The following TTLL12 variants were observed in gnomAD, a reference collection of about 807,000 sequenced individuals.
TTLL12 encodes tubulin tyrosine ligase like 12.
Under a neutral mutation model 79.6 loss-of-function variants are expected in TTLL12, and 77 were observed. The ratio of observed to expected loss-of-function variants is 0.97; its 90% confidence interval spans 0.81 to 1.17. The LOEUF is 1.17. TTLL12 is among the 50% of genes most tolerant of loss of function. TTLL12 has a pLI of 0.00. For missense variants in TTLL12, 969 were observed against 895.9 expected (o/e 1.08, Z -1.04); for synonymous variants, 437 against 376.1 (o/e 1.16, Z -1.87).
chr22:43,186,074 GC>G lies in TTLL12; in HGVS notation c.177+818del, dbSNP rs1480765624. On this transcript the variant is annotated intron_variant, in intron 1 of 13. Transcript: ENST00000216129. Reference sequence around the variant, plus strand: ...CAGGCTCAGGGACTCCTAGTTCCCGGCCCGGGTCCCTGTTCTTGGCTCTGGG... The same window carrying G: ...CAGGCTCAGGGACTCCTAGTTCCCGGCCGGGTCCCTGTTCTTGGCTCTGGG... 8.4e-6 allele frequency: 8 copies of G among 950,624 alleles called. No individual in the cohort carries two copies. The Admixed American group carries it at 4.9e-4, about 59-fold the overall frequency. The allele number at this position is 950,624 out of a possible 1,614,324, so 58.9% of individuals were successfully genotyped here. A position where few individuals can be genotyped will look rare whatever the true frequency, so the allele number is the denominator to read the frequency against.
chr22:43,176,458 G>T, intron 5 of TTLL12, 62 bp from the exon 6 acceptor site: 1 of 1,365,836 alleles, frequency 7.3e-7, no homozygotes, highest in Non-Finnish European at 1.0e-6. Context: ...GGCCGGCCGT[G>T]GTGGCTCATG....
chr22:43,179,687 G>A lies in TTLL12; in HGVS notation c.772C>T (p.Pro258Ser). 1 of 1,572,734 alleles carries A rather than the reference G, an allele frequency of 6.4e-7. No homozygotes were observed. Among genetic ancestry groups the A allele is most frequent in the Non-Finnish European group, 8.6e-7 (1 of 1,160,990 alleles). Residue 258 changes from proline (P) to serine (S), a missense_variant, in exon 5 of 14, where the codon CCC becomes TCC. By Grantham distance (74) the Pro-to-Ser change is moderately conservative (BLOSUM62 -1). Transcript: ENST00000216129. The part of the protein sequence containing the change: ...DPLIRKCMLL[P>S]WAPTDMLDLS... Reference sequence around the variant, plus strand: ...TCCAGCATGTCGGTGGGGGCCCAGGGCAGCAGCATGCACTTCCGGATCAGG... The same window carrying A: ...TCCAGCATGTCGGTGGGGGCCCAGGACAGCAGCATGCACTTCCGGATCAGG...
chr22:43,186,158 G>C, intron 1 of TTLL12: 1 of 225,590 alleles, frequency 4.4e-6, no homozygotes, highest in Non-Finnish European at 7.4e-6. Context: ...ACAGCACCTG[G>C]AGGAGATGTC....
chr22:43,185,872 G>T, intron 1 of TTLL12: 1 of 814,112 alleles, frequency 1.2e-6, no homozygotes, highest in Non-Finnish European at 1.5e-6. Context: ...CACAGGCCTG[G>T]GACCAGAGTG....
At position 43,186,905 on chromosome 22, in the gene TTLL12, C is replaced by T. The variant is rs1000741086; in HGVS notation, c.165G>A (p.Lys55=). Residue 55 remains lysine, a synonymous_variant, in exon 1 of 14, where the codon AAG becomes AAA. Transcript: ENST00000216129. ...PERYWGRLLH[K]LEHEVFDAGE... ...CCCTTCCCCGCACCTCGTGCTCCAG[C>T]TTGTGCAGGAGGCGGCCCCAGTAAC... 3 of 1,333,158 alleles carry T rather than the reference C, an allele frequency of 2.3e-6. No homozygotes were observed. The highest frequency in any genetic ancestry group is 2.9e-6 in the Non-Finnish European group (3 of 1,040,958). The allele number at this position is 1,333,158 out of a possible 1,614,324, so 82.6% of individuals were successfully genotyped here. A position where few individuals can be genotyped will look rare whatever the true frequency, so the allele number is the denominator to read the frequency against.
At chr22:43,182,916 A>T (rs1932093613) in intron 2 of TTLL12, 64 bp downstream of exon 2, 1 of 1,570,728 alleles carries the variant, frequency 6.4e-7, no homozygotes, top group African/African-American at 1.3e-5. Flanking sequence ...GAGAATCTGC[A>T]TTACTGCATC....
chr22:43,169,124 G>A lies in TTLL12; in HGVS notation c.1645-212C>T, dbSNP rs9623765. Reference sequence around the variant, plus strand: ...TCTGCAAATCTGCCCATCTCCTGCCGCAGACCCCGTTGCTCCCCACTGCCC... The same window carrying A: ...TCTGCAAATCTGCCCATCTCCTGCCACAGACCCCGTTGCTCCCCACTGCCC... On this transcript the variant is annotated intron_variant, in intron 12 of 13. Coordinates refer to ENST00000216129, the MANE Select transcript of TTLL12 (RefSeq NM_015140.4). 1.6e-3 allele frequency among the ~76,000 whole-genome samples: 246 copies of A among 152,282 alleles called. 1 individual carries two copies. Among genetic ancestry groups the A allele is most frequent in the African/African-American group, 5.6e-3 (232 of 41,556 alleles).
At chr22:43,169,409 T>G in intron 12 of TTLL12, 91 bp downstream of exon 12, 1 of 1,147,506 alleles carries the variant, frequency 8.7e-7, no homozygotes, top group Non-Finnish European at 1.2e-6. Flanking sequence ...TCCCAGCCCA[T>G]GCCAGCAGAG....
At chr22:43,174,120 A>T in intron 8 of TTLL12, 89 bp downstream of exon 8, 1 of 1,480,336 alleles carries the variant, frequency 6.8e-7, no homozygotes, top group Non-Finnish European at 9.1e-7. Context: ...CGGTTTCCAC[A>T]GTGGGTGCTC....
rs373428660 is a variant in TTLL12 at position 43,176,337 on chromosome 22, G to C, written c.900C>G (p.Pro300=). 6.2e-7 allele frequency: 1 copy of C among 1,601,792 alleles called. No individual in the cohort carries two copies. The highest frequency in any genetic ancestry group is 1.7e-5 in the Admixed American group (1 of 57,160). ...CTACGCACTTGAAGATGTGGCCGTG[G>C]GGGTGCACCACGGGGTTGATGTCAA... ...LPLDINPVVH[P]HGHIFKVYTD... The change falls in exon 6 of 14, where the codon CCC becomes CCG. Residue 300 remains proline (P), a synonymous_variant. Transcript: ENST00000216129.
chr22:43,167,400 C>T lies in TTLL12; in HGVS notation c.*608G>A, dbSNP rs1931643681. ...AGCAGGAGGTTTGCTGGTGAAGGTT[C>T]TGGGTGAGCTGGAATGGGTGATAAG... On this transcript the variant is annotated 3_prime_UTR_variant, in exon 14 of 14. Coordinates refer to ENST00000216129, the MANE Select transcript of TTLL12 (RefSeq NM_015140.4). The T allele has an allele frequency of 3.3e-6, 1 of 305,466 alleles. No homozygotes were observed. The highest frequency in any genetic ancestry group is 4.7e-5 in the Admixed American group (1 of 21,276). The allele number at this position is 305,466 out of a possible 1,614,324, so 18.9% of individuals were successfully genotyped here.
Position 43,180,944 on chromosome 22 carries a change from C to A in TTLL12, c.348-4G>T, listed in dbSNP as rs757956134. 3.1e-6 allele frequency: 5 copies of A among 1,609,008 alleles called. No individual in the cohort carries two copies. Among genetic ancestry groups the A allele is most frequent in the Non-Finnish European group, 3.4e-6 (4 of 1,178,322 alleles). ...GGCGTGGTCGATGAGGAAGATGCTG[C>A]GGGCACAGGCCACAATGTGAGGCTG... On this transcript the variant is annotated splice_region_variant and splice_polypyrimidine_tract_variant and intron_variant, in intron 2 of 13. Coordinates refer to ENST00000216129, the MANE Select transcript of TTLL12 (RefSeq NM_015140.4).
At chr22:43,171,704 C>T (rs933654958) in intron 11 of TTLL12, 115 bp downstream of exon 11, 12 of 766,852 alleles carry the variant, frequency 1.6e-5, no homozygotes, top group Admixed American at 7.1e-5. Context: ...ACTCAGGAGG[C>T]GGCTCCTGGG....
chr22:43,171,567 CCT>C (rs1024050873), intron 11 of TTLL12: 12 of 450,338 alleles, frequency 2.7e-5, no homozygotes, highest in East Asian at 1.1e-4. Flanking sequence ...GACCCATCCC[CCT>C]CTGTGTCCAC....
intron 6 of TTLL12, chr22:43,175,732 G>C (rs1250717154): frequency 6.6e-6 from 1 of 151,702 alleles, no homozygotes; most frequent in Non-Finnish European, 1.5e-5. Flanking sequence ...GCAGTGGCCC[G>C]ATCTCAGTTC....
Position 43,174,390 on chromosome 22 carries a change from C to T in TTLL12, c.1048G>A (p.Glu350Lys). Residue 350 changes from glutamate to lysine, a missense_variant, in exon 8 of 14, where the codon GAG becomes AAG. Transcript: ENST00000216129. Reference sequence around the variant, plus strand: ...TGGTTCAGCAGCACGCCTGGCCTCTCCTGGCTGAGTTTCCTGCAGGGCGGA... The same window carrying T: ...TGGTTCAGCAGCACGCCTGGCCTCTTCTGGCTGAGTTTCCTGCAGGGCGGA... The part of the protein sequence containing the change: ...HFKDYRKLSQ[E>K]RPGVLLNQFP... The T allele has an allele frequency of 1.3e-6, 2 of 1,563,826 alleles. No individual in the cohort carries two copies. The highest frequency in any genetic ancestry group is 1.7e-6 in the Non-Finnish European group (2 of 1,150,112).
At position 43,183,298 on chromosome 22, in the gene TTLL12, CCA is replaced by C. The variant is rs1193411412; in HGVS notation, c.178-151_178-150del. ...GAGGTGTGGGACCTGTTTAATGCAA[CCA>C]CACAGTCTTACGGGCGGGGAGACTG... On this transcript the variant is annotated intron_variant, in intron 1 of 13. Coordinates refer to ENST00000216129, the MANE Select transcript of TTLL12 (RefSeq NM_015140.4). The C allele has an allele frequency of 6.3e-6, 6 of 958,206 alleles. 1 individual carries two copies. Among genetic ancestry groups the C allele is most frequent in the African/African-American group, 3.3e-5 (2 of 61,140 alleles). The allele number at this position is 958,206 out of a possible 1,614,324, so 59.4% of individuals were successfully genotyped here.
chr22:43,185,627 G>C (rs978517948), intron 1 of TTLL12, among the ~76,000 whole-genome samples: 4 of 152,326 alleles, frequency 2.6e-5, no homozygotes, highest in East Asian at 3.9e-4. Flanking sequence ...CTGTGTGCCA[G>C]GCATATTTCT....
At chr22:43,178,230 C>T (rs972255142) in intron 5 of TTLL12, among the ~76,000 whole-genome samples, 1 of 152,124 alleles carries the variant, frequency 6.6e-6, no homozygotes, top group Non-Finnish European at 1.5e-5. Flanking sequence ...CTGACTTAGA[C>T]CGAAAGTGAA....
Sources: gnomAD v4.1 joint callset for allele counts (sites outside exome capture counted in the v4.1 genomes callset) on GRCh38, gnomAD v4.1.1 for gene constraint, MANE v1.5 for transcripts, NCBI Gene and HGNC (gene_info 2026-07-23, HGNC 2026-07-21) for gene names.